FBXL5: variants seen among roughly 807,000 people sequenced by gnomAD.
FBXL5 encodes F-box/LRR-repeat protein 5.
Under a neutral mutation model 78.3 loss-of-function variants are expected in FBXL5, and 26 were observed. The observed-to-expected ratio is 0.33, with a 90% CI of 0.24 to 0.46. FBXL5 has a LOEUF of 0.46. FBXL5 is among the 20% of genes least tolerant of loss of function. The pLI is 1.00. For missense variants in FBXL5, 710 were observed against 829.2 expected, an observed-to-expected ratio of 0.86 and a Z score of 1.77; for synonymous variants, 295 against 282.5, an observed-to-expected ratio of 1.04 and a Z score of -0.45.
At chr4:15,672,385 T>G (rs757695595) in intron 1 of FBXL5, among the ~76,000 whole-genome samples, 4 of 152,256 alleles carry the variant, frequency 2.6e-5, no homozygotes, top group Admixed American at 6.5e-5. Flanking sequence ...AATTTCATCA[T>G]TATGTGACCA....
intron 9 of FBXL5, among the ~76,000 whole-genome samples, chr4:15,618,457 T>A (rs77002441): frequency 6.6e-6 from 1 of 152,224 alleles, no homozygotes; most frequent in Non-Finnish European, 1.5e-5. Context: ...AAAATCTGAA[T>A]TGACTTATAA....
intron 1 of FBXL5, among the ~76,000 whole-genome samples, chr4:15,674,090 T>TC (rs1348322365): frequency 6.6e-6 from 1 of 152,226 alleles, no homozygotes. Flanking sequence ...AGATTTGTTT[T>TC]CCAACACTCT....
rs1042936751 is a variant in FBXL5 at position 15,655,343 on chromosome 4, C to A, written c.-56G>T. ...CGCGGCCGCCGCCTCTCCATAGACACCCTCGCCGCGGGGCAGAGGCGGCGC... is the reference window on the plus strand; with the variant it reads ...CGCGGCCGCCGCCTCTCCATAGACAACCTCGCCGCGGGGCAGAGGCGGCGC... On this transcript the variant is annotated 5_prime_UTR_variant, in exon 1 of 11. Coordinates refer to ENST00000341285, the MANE Select transcript of FBXL5 (RefSeq NM_012161.4). The A allele has an allele frequency of 1.6e-5, 21 of 1,289,310 alleles. No homozygotes were observed. The highest frequency in any genetic ancestry group is 2.0e-5 in the Non-Finnish European group (20 of 986,922). 79.9% of individuals were successfully genotyped at this position (1,289,310 alleles called of 1,614,324 possible).
intron 1 of FBXL5, among the ~76,000 whole-genome samples, chr4:15,649,239 C>T (rs113114702): frequency 6.6e-6 from 1 of 151,586 alleles, no homozygotes. Context: ...ATGAAAAGTG[C>T]AAACATTTTT....
At chr4:15,655,094 G>C in intron 1 of FBXL5, 110 bp downstream of exon 1, 1 of 855,392 alleles carries the variant, frequency 1.2e-6, no homozygotes, top group Non-Finnish European at 1.5e-6. Flanking sequence ...TACTCGCGCG[G>C]CGACGGCACG....
chr4:15,639,020 C>T (rs10012838), intron 3 of FBXL5, among the ~76,000 whole-genome samples: 43,748 of 151,974 alleles, frequency 0.29, 6,615 homozygotes, highest in East Asian at 0.47. Flanking sequence ...CAGAAGTAGC[C>T]GGGCGTGGTG....
chr4:15,614,728 T>C (rs1277922282), intron 9 of FBXL5, among the ~76,000 whole-genome samples: 1 of 152,074 alleles, frequency 6.6e-6, no homozygotes, highest in Non-Finnish European at 1.5e-5. Context: ...CCCACAGGTA[T>C]TATTGAGAGG....
At chr4:15,625,002 T>C (rs1712885717) in intron 9 of FBXL5, among the ~76,000 whole-genome samples, 1 of 152,240 alleles carries the variant, frequency 6.6e-6, no homozygotes, top group South Asian at 2.1e-4. Context: ...TGTAGCCATT[T>C]ACTAAGTATT....
At chr4:15,658,916 C>G (rs1185128036), upstream of FBXL5, among the ~76,000 whole-genome samples, 1 of 152,154 alleles carries the variant, frequency 6.6e-6, no homozygotes, top group Non-Finnish European at 1.5e-5. Context: ...AAACTGGACA[C>G]CCAATATGCA....
intron 1 of FBXL5, among the ~76,000 whole-genome samples, chr4:15,669,238 CT>C (rs770888682): frequency 6.6e-6 from 1 of 152,168 alleles, no homozygotes; most frequent in Non-Finnish European, 1.5e-5. Context: ...TATATACAGC[CT>C]CTTGCTCCTA....
At chr4:15,678,494 G>C (rs1013230320) in intron 1 of FBXL5, among the ~76,000 whole-genome samples, 1 of 152,066 alleles carries the variant, frequency 6.6e-6, no homozygotes, top group African/African-American at 2.4e-5. Flanking sequence ...TCATGCAAAC[G>C]AAGAAAAGCT....
chr4:15,632,746 C>T (rs1482164113), intron 5 of FBXL5, among the ~76,000 whole-genome samples: 1 of 152,176 alleles, frequency 6.6e-6, no homozygotes, highest in East Asian at 1.9e-4. Context: ...GATTTTTGCA[C>T]ATTGATTTTG....
chr4:15,656,209 G>A, upstream of FBXL5: 1 of 456,258 alleles, frequency 2.2e-6, no homozygotes, highest in South Asian at 1.5e-5. Context: ...GAGGTTCGGA[G>A]AGAAAACAAG....
In FBXL5 at chr4:15,655,214, T is replaced by G. The variant is rs1292858425; in HGVS notation, c.74A>C (p.Tyr25Ser). The G allele has an allele frequency of 7.0e-7, 1 of 1,430,368 alleles. No homozygotes were observed. The highest frequency in any genetic ancestry group is 9.3e-7 in the Non-Finnish European group (1 of 1,070,804). 88.6% of individuals were successfully genotyped at this position (1,430,368 alleles called of 1,614,324 possible). A position where few individuals can be genotyped will look rare whatever the true frequency, so the allele number is the denominator to read the frequency against. ...TCAGCGCTCCGTTACCTTGTCGCAG[T>G]AGAGCCCCACCAGCTGCTTCATCCG... Reference protein sequence around the residue: ...HWRMKQLVGLYCDKLSKTNFS... With the variant: ...HWRMKQLVGLSCDKLSKTNFS... The change falls in exon 1 of 11, where the codon TAC (tyrosine) becomes TCC (serine). Residue 25 changes from tyrosine (Y) to serine (S), a missense_variant. By Grantham distance (144) the Tyr-to-Ser change is moderately radical. Around this residue, in one of 4 missense-constraint regions of FBXL5, gnomAD observed 132 missense variants for 156.9 expected, o/e 0.84. Transcript: ENST00000341285.
At chr4:15,671,064 C>G (rs1717745817) in intron 1 of FBXL5, among the ~76,000 whole-genome samples, 1 of 151,646 alleles carries the variant, frequency 6.6e-6, no homozygotes, top group African/African-American at 2.4e-5. Context: ...GCTGGGATTA[C>G]AGGTGCCCGC....
At chr4:15,674,204 G>GTTTTTTTTTTTTTTTTTT (rs35166916) in intron 1 of FBXL5, among the ~76,000 whole-genome samples, 1 of 140,216 alleles carries the variant, frequency 7.1e-6, no homozygotes. Flanking sequence ...AATGCATCGT[G>GTTTTTTTTTTTTTTTTTT]TTTTTTTTTT....
At chr4:15,636,263 CCACA>C (rs1213959887) in intron 5 of FBXL5, 2 of 374,244 alleles carry the variant, frequency 5.3e-6, no homozygotes, top group East Asian at 8.1e-5. Context: ...GCATCCCCTC[CCACA>C]AATATATTTT....
Position 15,677,022 on chromosome 4 carries a change from G to A in FBXL5, c.-284+4361C>T, listed in dbSNP as rs368223935. On this transcript the variant is annotated intron_variant, in intron 1 of 4. Transcript: ENST00000507899. ...GAAAGCATACATGCACTACAACTCC[G>A]TTTATATTAAGGTCAAAAAGAGGTT... 7.2e-4 allele frequency among the ~76,000 whole-genome samples: 109 copies of A among 152,212 alleles called. No individual in the cohort carries two copies. In the South Asian group the frequency reaches 0.014, roughly 20 times the overall value.
chr4:15,641,610 C>T (rs915796825), intron 2 of FBXL5: 2 of 457,930 alleles, frequency 4.4e-6, no homozygotes, highest in African/African-American at 3.9e-5. Context: ...GGTAAGGCTT[C>T]CAGTCAACAG....
Sources: allele counts gnomAD v4.1 joint callset (sites outside exome capture counted in the v4.1 genomes callset), GRCh38; gene constraint gnomAD v4.1.1; regional missense constraint gnomAD v4.1.1; transcripts MANE v1.5; gene names NCBI Gene and HGNC (gene_info 2026-07-23, HGNC 2026-07-21).